The following RSPO2 variants were observed in gnomAD, a reference collection of about 807,000 sequenced individuals.
RSPO2 encodes the protein R-spondin-2.
Under a neutral mutation model 30.9 loss-of-function variants are expected in RSPO2, and 14 were observed. The ratio of observed to expected loss-of-function variants is 0.45; its 90% CI spans 0.30 to 0.71. The LOEUF is 0.71. Ranked by LOEUF, RSPO2 falls within the 30% of genes least tolerant of loss-of-function variation. The probability of loss-of-function intolerance (pLI) is 0.08; values close to 1 mark genes in which losing one functional copy is unlikely to be tolerated. For missense variants in RSPO2, 264 were observed against 301.9 expected (o/e 0.87, Z 0.93); for synonymous variants, 107 against 96.4 (o/e 1.11, Z -0.64).
intron 2 of RSPO2, among the ~76,000 whole-genome samples, chr8:108,005,667 T>C (rs1272082752): frequency 1.3e-5 from 2 of 152,196 alleles, no homozygotes; most frequent in African/African-American, 4.8e-5. Flanking sequence ...CAAAATATTG[T>C]AGTTTTTAAG....
At chr8:108,053,400 T>C (rs1812135193) in intron 2 of RSPO2, among the ~76,000 whole-genome samples, 1 of 152,180 alleles carries the variant, frequency 6.6e-6, no homozygotes, top group Non-Finnish European at 1.5e-5. Context: ...CCATCAACAG[T>C]TCAATGTCAA....
chr8:108,065,080 T>C lies in RSPO2; in HGVS notation c.94+17465A>G, dbSNP rs1295443236. 2.6e-5 allele frequency among the ~76,000 whole-genome samples: 4 copies of C among 151,564 alleles called. No individual in the cohort carries two copies. The East Asian group carries it at 7.7e-4, about 29-fold the overall frequency. On this transcript the variant is annotated intron_variant, in intron 2 of 5. Transcript: ENST00000276659. ...ATATATACCTAATGTAAATGATGAG[T>C]TAATGGGTGCAGCACACCAACATGG... is the stretch of plus-strand genomic sequence containing the variant.
rs142852541 is a variant in RSPO2 at position 108,018,693 on chromosome 8, G to A, written c.95-29449C>T. ...GCAGGAGGCACATGATAGAAAATCT[G>A]GATAAATATTAAAAATAAATGCACA... On this transcript the variant is annotated intron_variant, in intron 2 of 5. Coordinates refer to ENST00000276659, the MANE Select transcript of RSPO2 (RefSeq NM_178565.5). 2.6e-5 allele frequency among the ~76,000 whole-genome samples: 4 copies of A among 152,144 alleles called. No homozygotes were observed. The East Asian group carries it at 5.8e-4, about 22-fold the overall frequency.
intron 5 of RSPO2, among the ~76,000 whole-genome samples, chr8:107,902,847 C>A (rs17401898): frequency 0.22 from 33,174 of 151,870 alleles, 4,106 homozygotes; most frequent in Middle Eastern, 0.37. Context: ...GATCATGCCC[C>A]CATATTAAAT....
At chr8:107,973,344 GGTTTTGTCA>G (rs1299120888) in intron 3 of RSPO2, among the ~76,000 whole-genome samples, 1 of 151,912 alleles carries the variant, frequency 6.6e-6, no homozygotes, top group African/African-American at 2.4e-5. Flanking sequence ...ACTGCATAAC[GGTTTTGTCA>G]GTTTTGTCTG....
intron 2 of RSPO2, among the ~76,000 whole-genome samples, chr8:108,059,441 T>A (rs1424023899): frequency 6.6e-6 from 1 of 151,638 alleles, no homozygotes; most frequent in East Asian, 1.9e-4. Flanking sequence ...GAAGTCAGTG[T>A]GGCGATTCCT....
chr8:108,051,490 A>T (rs550842898), intron 2 of RSPO2, among the ~76,000 whole-genome samples: 13 of 152,346 alleles, frequency 8.5e-5, no homozygotes, highest in African/African-American at 2.6e-4. Flanking sequence ...AGAAATGTTA[A>T]GAACACTACC....
At chr8:108,037,185 T>C (rs1362593918) in intron 2 of RSPO2, among the ~76,000 whole-genome samples, 1 of 152,138 alleles carries the variant, frequency 6.6e-6, no homozygotes, top group Non-Finnish European at 1.5e-5. Context: ...GCCCCTCAAG[T>C]TGTGAATGCA....
Position 108,083,257 on chromosome 8 carries a change from A to G in RSPO2, c.-230T>C, listed in dbSNP as rs1007058219. The G allele has an allele frequency of 6.6e-6, 1 of 152,178 alleles. No homozygotes were observed. The highest frequency in any genetic ancestry group is 2.4e-5 in the African/African-American group (1 of 41,452). 9.4% of individuals were successfully genotyped at this position (152,178 alleles called of 1,614,324 possible). ...CGCGGTGCTCCATCCCGGGCTCGGG[A>G]AGCGAGCCGCTTGGTTAGCACGTGG... On this transcript the variant is annotated 5_prime_UTR_variant, in exon 1 of 6. Coordinates refer to ENST00000276659, the MANE Select transcript of RSPO2 (RefSeq NM_178565.5).
chr8:108,003,293 ATATATATATATATATATATTTTTTTTTT>A (rs1331053388), intron 2 of RSPO2, among the ~76,000 whole-genome samples: 17,318 of 71,910 alleles, frequency 0.24, 1,870 homozygotes, highest in Middle Eastern at 0.36. Context: ...ATATATATAT[ATATATATATATATATATATTTTTTTTTT>A]TTTTTTTTTT....
chr8:108,074,381 G>GAC (rs1812946982), intron 2 of RSPO2, among the ~76,000 whole-genome samples: 1 of 152,116 alleles, frequency 6.6e-6, no homozygotes, highest in Admixed American at 6.5e-5. Context: ...AATACACATA[G>GAC]ACACCCATAC....
At chr8:108,082,451 T>C in intron 2 of RSPO2, 94 bp downstream of exon 2, 3 of 931,196 alleles carry the variant, frequency 3.2e-6, no homozygotes, top group Non-Finnish European at 3.5e-6. Flanking sequence ...AGCACAGCCC[T>C]GACCATCTGA....
At chr8:107,977,573 A>T (rs116159859) in intron 3 of RSPO2, among the ~76,000 whole-genome samples, 448 of 152,338 alleles carry the variant, frequency 2.9e-3, no homozygotes, top group African/African-American at 0.01. Context: ...GTCATGACCA[A>T]TAAAAAACAT....
intron 5 of RSPO2, among the ~76,000 whole-genome samples, chr8:107,918,382 G>A (rs1812043747): frequency 6.6e-6 from 1 of 152,156 alleles, no homozygotes; most frequent in South Asian, 2.1e-4. Flanking sequence ...CACCATTGGA[G>A]AAACTGGTTA....
intron 5 of RSPO2, among the ~76,000 whole-genome samples, chr8:107,929,942 C>T (rs1812501279): frequency 6.6e-6 from 1 of 152,148 alleles, no homozygotes; most frequent in African/African-American, 2.4e-5. Flanking sequence ...AGAAAAAAAT[C>T]TATGCATCTA....
At chr8:107,923,349 A>T (rs546677473) in intron 5 of RSPO2, among the ~76,000 whole-genome samples, 1 of 152,308 alleles carries the variant, frequency 6.6e-6, no homozygotes, top group South Asian at 2.1e-4. Flanking sequence ...AACAAATGCA[A>T]ATCAAAACCA....
At chr8:107,915,823 C>A (rs1195305847) in intron 5 of RSPO2, among the ~76,000 whole-genome samples, 1 of 152,102 alleles carries the variant, frequency 6.6e-6, no homozygotes, top group Non-Finnish European at 1.5e-5. Flanking sequence ...GGTTCCCCTG[C>A]GGCCTATTGG....
intron 2 of RSPO2, among the ~76,000 whole-genome samples, chr8:108,050,927 A>T (rs1812061615): frequency 6.6e-6 from 1 of 152,072 alleles, no homozygotes; most frequent in Admixed American, 6.6e-5. Context: ...ATTGACTTGA[A>T]CCTTCAGATT....
At chr8:108,003,309 ATATTTTTTT>A (rs1815338438) in intron 2 of RSPO2, among the ~76,000 whole-genome samples, 1 of 16,926 alleles carries the variant, frequency 5.9e-5, no homozygotes, top group African/African-American at 2.4e-4. Flanking sequence ...ATATATATAT[ATATTTTTTT>A]TTTTTTTTTT....
Sources: gnomAD v4.1 joint callset for allele counts (sites outside exome capture counted in the v4.1 genomes callset) on GRCh38, gnomAD v4.1.1 for gene constraint, MANE v1.5 for transcripts, NCBI Gene and HGNC (gene_info 2026-07-23, HGNC 2026-07-21) for gene names.